The following XYLT1 variants were observed in gnomAD, a reference collection of about 807,000 sequenced individuals.
The protein encoded by XYLT1 is beta-D-xylosyltransferase 1.
In XYLT1, 36 loss-of-function variants were observed where a neutral mutation model predicts 91.3. That is an observed-to-expected ratio of 0.39 (90% CI 0.30 to 0.52). The LOEUF (loss-of-function observed/expected upper bound fraction) is 0.52, where lower values mean the gene tolerates loss of function less well. XYLT1 is among the 20% of genes least tolerant of loss of function. The probability of loss-of-function intolerance (pLI) is 0.68; values close to 1 mark genes in which losing one functional copy is unlikely to be tolerated. For synonymous variants in XYLT1, 588 were observed against 532.0 expected (o/e 1.11, Z -1.45); for missense variants, 1,242 against 1,284.5 (o/e 0.97, Z 0.51).
chr16:17,420,670 C>A (rs2036239630), intron 1 of XYLT1, among the ~76,000 whole-genome samples: 1 of 138,756 alleles, frequency 7.2e-6, no homozygotes. Context: ...AAAAAATGTA[C>A]TAGGCTAATT....
At chr16:17,118,548 C>A (rs1008528641) in intron 10 of XYLT1, among the ~76,000 whole-genome samples, 1 of 152,092 alleles carries the variant, frequency 6.6e-6, no homozygotes, top group African/African-American at 2.4e-5. Flanking sequence ...TTGGCTTTCC[C>A]AAGGCACCTA....
chr16:17,131,511 C>A (rs1262030594), intron 9 of XYLT1, among the ~76,000 whole-genome samples: 4 of 152,156 alleles, frequency 2.6e-5, no homozygotes, highest in Admixed American at 1.3e-4. Flanking sequence ...CATGGTCAGC[C>A]CACCCTGCAG....
intron 1 of XYLT1, among the ~76,000 whole-genome samples, chr16:17,361,924 C>T (rs553388813): frequency 1.3e-5 from 2 of 152,266 alleles, no homozygotes; most frequent in East Asian, 1.9e-4. Flanking sequence ...AACTTCTATG[C>T]GTGTATCATT....
intron 3 of XYLT1, among the ~76,000 whole-genome samples, chr16:17,210,160 C>G (rs1011831954): frequency 6.6e-6 from 1 of 152,170 alleles, no homozygotes; most frequent in Non-Finnish European, 1.5e-5. Context: ...TCCAGAGTAG[C>G]TGGGACCAGA....
At chr16:17,441,146 C>T (rs895717368) in intron 1 of XYLT1, among the ~76,000 whole-genome samples, 13 of 151,764 alleles carry the variant, frequency 8.6e-5, no homozygotes, top group Admixed American at 2.0e-4. Flanking sequence ...CGCACTCCAG[C>T]CTGGGCGACA....
intron 2 of XYLT1, among the ~76,000 whole-genome samples, chr16:17,304,055 T>A (rs369387908): frequency 3.3e-5 from 5 of 152,104 alleles, no homozygotes; most frequent in African/African-American, 1.2e-4. Context: ...TCATAAGACA[T>A]CAATTTATGC....
intron 3 of XYLT1, among the ~76,000 whole-genome samples, chr16:17,253,210 T>C (rs1259182320): frequency 6.6e-6 from 1 of 152,234 alleles, no homozygotes; most frequent in Non-Finnish European, 1.5e-5. Flanking sequence ...CATTGATAAC[T>C]ACCCAATTAG....
At chr16:17,340,717 A>G (rs1314495561) in intron 2 of XYLT1, among the ~76,000 whole-genome samples, 1 of 152,242 alleles carries the variant, frequency 6.6e-6, no homozygotes, top group Non-Finnish European at 1.5e-5. Flanking sequence ...TGGGGAGATT[A>G]AAGAGAATCT....
At chr16:17,452,227 T>C (rs2036674513) in intron 1 of XYLT1, among the ~76,000 whole-genome samples, 1 of 152,172 alleles carries the variant, frequency 6.6e-6, no homozygotes. Context: ...CGTGTTTGCA[T>C]TCTGTTTTGT....
chr16:17,364,760 G>A (rs1487382875), intron 1 of XYLT1, among the ~76,000 whole-genome samples: 1 of 152,122 alleles, frequency 6.6e-6, no homozygotes, highest in Non-Finnish European at 1.5e-5. Context: ...AAAAACACAG[G>A]GCTAATCAGG....
rs974173212 is a variant in XYLT1, at chr16:17,312,752, G to C, written c.402+45260C>G. Reference sequence around the variant, plus strand: ...AGATGGGAAAACTGAAGCACAGACAGAATAAAGACAGAATAAAGTGACTTG... The same window carrying C: ...AGATGGGAAAACTGAAGCACAGACACAATAAAGACAGAATAAAGTGACTTG... On this transcript the variant is annotated intron_variant, in intron 2 of 11. Coordinates refer to ENST00000261381, the MANE Select transcript of XYLT1 (RefSeq NM_022166.4). This position sits in a 1 kb window ranked among gnomAD's most constrained non-coding sequence, Gnocchi z 4.4. 2.8e-4 allele frequency among the ~76,000 whole-genome samples: 42 copies of C among 152,350 alleles called. No homozygotes were observed. Among genetic ancestry groups the C allele is most frequent in the African/African-American group, 1.0e-3 (42 of 41,584 alleles).
At chr16:17,373,178 G>A (rs1443583836) in intron 1 of XYLT1, among the ~76,000 whole-genome samples, 1 of 152,132 alleles carries the variant, frequency 6.6e-6, no homozygotes, top group Non-Finnish European at 1.5e-5. Context: ...CAGAGAAGCA[G>A]AATGCTCTCT....
chr16:17,450,405 T>C (rs2036651504), intron 1 of XYLT1, among the ~76,000 whole-genome samples: 1 of 150,040 alleles, frequency 6.7e-6, no homozygotes, highest in South Asian at 2.1e-4. Context: ...TATTGTTAGG[T>C]AGAAGTGGGA....
At chr16:17,129,159 T>C (rs2030379646) in intron 9 of XYLT1, among the ~76,000 whole-genome samples, 1 of 151,864 alleles carries the variant, frequency 6.6e-6, no homozygotes, top group South Asian at 2.1e-4. Flanking sequence ...GTTTTAAATC[T>C]GGACTTTGGG....
intron 1 of XYLT1, among the ~76,000 whole-genome samples, chr16:17,402,840 T>C (rs530853236): frequency 6.6e-6 from 1 of 151,674 alleles, no homozygotes; most frequent in South Asian, 2.1e-4. Context: ...CCTCCTGGGC[T>C]CAAGCAATCC....
chr16:17,341,772 C>T (rs188959679), intron 2 of XYLT1, among the ~76,000 whole-genome samples: 1 of 152,282 alleles, frequency 6.6e-6, no homozygotes, highest in African/African-American at 2.4e-5. Flanking sequence ...TGCATTAATC[C>T]TCTGTAGGTC....
intron 11 of XYLT1, among the ~76,000 whole-genome samples, chr16:17,113,883 A>G (rs1422406609): frequency 6.6e-6 from 1 of 152,352 alleles, no homozygotes; most frequent in Non-Finnish European, 1.5e-5. Flanking sequence ...GGAAGAACTC[A>G]TCCACCTGCC....
intron 2 of XYLT1, among the ~76,000 whole-genome samples, chr16:17,273,381 T>C (rs1341290197): frequency 1.3e-5 from 2 of 152,184 alleles, no homozygotes; most frequent in Non-Finnish European, 2.9e-5. Context: ...GTAGCTGACC[T>C]CTTCATGTAT....
intron 2 of XYLT1, among the ~76,000 whole-genome samples, chr16:17,315,342 T>C (rs1042905361): frequency 2.0e-5 from 3 of 152,248 alleles, no homozygotes; most frequent in Non-Finnish European, 4.4e-5. Context: ...TTCTTCCCCC[T>C]ACTGGCATGT....
Sources: gnomAD v4.1 joint callset for allele counts (sites outside exome capture counted in the v4.1 genomes callset) on GRCh38, gnomAD v4.1.1 for gene constraint, Gnocchi (gnomAD v3.1) non-coding constraint, MANE v1.5 for transcripts, NCBI Gene and HGNC (gene_info 2026-07-23, HGNC 2026-07-21) for gene names.